VARS2: variants seen among roughly 807,000 people sequenced by gnomAD.
The protein encoded by VARS2 is valyl-tRNA synthetase 2, mitochondrial, also known as valine--tRNA ligase, mitochondrial.
In VARS2, 105 loss-of-function variants were observed where a neutral mutation model predicts 154.1. The observed-to-expected ratio is 0.68, with a 90% CI of 0.58 to 0.80. The LOEUF is 0.80. Ranked by LOEUF, VARS2 falls within the 30% of genes least tolerant of loss-of-function variation. The pLI is 0.00. For synonymous variants in VARS2, 483 were observed against 539.5 expected, an observed-to-expected ratio of 0.90 and a Z score of 1.45; for missense variants, 1,157 against 1,361.4, an observed-to-expected ratio of 0.85 and a Z score of 2.36.
intron 10 of VARS2, among the ~76,000 whole-genome samples, chr6:30,918,518 T>C (rs1008243066): frequency 1.3e-5 from 2 of 152,230 alleles, no homozygotes; most frequent in African/African-American, 2.4e-5. Flanking sequence ...GAATCCCCAG[T>C]GTCCTCTGGG....
rs1793982743 is a variant in VARS2, at chr6:30,914,244, A to C, written c.-128A>C. 3 of 714,594 alleles carry C rather than the reference A, an allele frequency of 4.2e-6. No individual in the cohort carries two copies. Among genetic ancestry groups the C allele is most frequent in the South Asian group, 6.5e-5 (1 of 15,350 alleles). The allele number at this position is 714,594 out of a possible 1,614,324, so 44.3% of individuals were successfully genotyped here. On this transcript the variant is annotated 5_prime_UTR_variant, in exon 1 of 30. An upstream start codon of the reference 5' UTR is lost. Coordinates refer to ENST00000676266, the MANE Select transcript of VARS2 (RefSeq NM_020442.6). ...ATGCGCCGGCCGGGGCCCCGCCCCC[A>C]TGCGCCGCGCGGCTCCAGGGCCACG...
chr6:30,918,900 C>T lies in VARS2; in HGVS notation c.1059C>T (p.Asp353=), dbSNP rs564457017. The part of the protein sequence containing the change: ...PGDVAVAVHP[D]DSRYTHLHGR... The stretch of plus-strand genomic sequence containing the variant: ...ATGTGGCTGTGGCCGTTCATCCAGA[C>T]GACTCGCGATACACAGTAATACCCA... Residue 353 remains aspartate, a synonymous_variant, in exon 11 of 30, where the codon GAC becomes GAT. Coordinates refer to ENST00000676266, the MANE Select transcript of VARS2 (RefSeq NM_020442.6). The T allele has an allele frequency of 1.5e-5, 24 of 1,612,914 alleles. No individual in the cohort carries two copies. Among genetic ancestry groups the T allele is most frequent in the African/African-American group, 8.0e-5 (6 of 75,032 alleles).
chr6:30,914,342 C>T lies in VARS2; in HGVS notation c.-30C>T. ...CGCCCTGGGATAGCGGCGGGGCCTC[C>T]TGGTGAGCGCGCGCCGGGGCGGCCT... is the stretch of plus-strand genomic sequence containing the variant. On this transcript the variant is annotated splice_region_variant and 5_prime_UTR_variant, in exon 1 of 30. Coordinates refer to ENST00000676266, the MANE Select transcript of VARS2 (RefSeq NM_020442.6). 2 of 1,237,434 alleles carry T rather than the reference C, an allele frequency of 1.6e-6. No homozygotes were observed. Among genetic ancestry groups the T allele is most frequent in the Admixed American group, 4.2e-5 (1 of 23,942 alleles). 76.7% of individuals were successfully genotyped at this position (1,237,434 alleles called of 1,614,324 possible).
Position 30,922,769 on chromosome 6 carries a change from G to A in VARS2, c.2101G>A (p.Ala701Thr), listed in dbSNP as rs1191147481. The A allele has an allele frequency of 6.2e-7, 1 of 1,610,236 alleles. No homozygotes were observed. Among genetic ancestry groups the A allele is most frequent in the African/African-American group, 1.3e-5 (1 of 75,014 alleles). The change falls in exon 22 of 30, where the codon GCA (alanine) becomes ACA (threonine). Residue 701 changes from alanine (A) to threonine (T), a missense_variant. Transcript: ENST00000676266. ...DPAELAIVAA[A>T]QKKDFPHGIP... The stretch of plus-strand genomic sequence containing the variant: ...TGCAGAGCTGGCCATTGTGGCTGCA[G>A]CACAGGTGAGTCATCGCTGCCTGCC...
rs1298331167 is a variant in VARS2, at chr6:30,922,757, A to C, written c.2089A>C (p.Ile697Leu). 3 of 1,611,912 alleles carry C rather than the reference A, an allele frequency of 1.9e-6. No individual in the cohort carries two copies. Among genetic ancestry groups the C allele is most frequent in the African/African-American group, 1.3e-5 (1 of 74,908 alleles). ...SGNLDPAELA[I>L]VAAAQKKDFP... ...AAATTTGGACCCTGCAGAGCTGGCC[A>C]TTGTGGCTGCAGCACAGGTGAGTCA... The change falls in exon 22 of 30, where the codon ATT (isoleucine) becomes CTT (leucine). Residue 697 changes from isoleucine (I) to leucine (L), a missense_variant. Physicochemically the swap from Ile to Leu is conservative, Grantham distance 5 (BLOSUM62 2). Coordinates refer to ENST00000676266, the MANE Select transcript of VARS2 (RefSeq NM_020442.6).
intron 22 of VARS2, 32 bp downstream of exon 22, chr6:30,922,806 C>A: frequency 2.5e-6 from 4 of 1,593,762 alleles, no homozygotes; most frequent in Non-Finnish European, 3.4e-6. Flanking sequence ...CCCACCAGCT[C>A]TAGCTCACCA....
Position 30,921,770 on chromosome 6 carries a change from A to G in VARS2, c.1735+79A>G, listed in dbSNP as rs1338415446. ...GGGCCTTTGAGGGGAACAGATCCCAAGATACAGAAGGTAGGGTCAGGAAAG... is the reference window on the plus strand; with the variant it reads ...GGGCCTTTGAGGGGAACAGATCCCAGGATACAGAAGGTAGGGTCAGGAAAG... On this transcript the variant is annotated intron_variant, in intron 18 of 29. Coordinates refer to ENST00000676266, the MANE Select transcript of VARS2 (RefSeq NM_020442.6). This position sits in a 1 kb window ranked among gnomAD's most constrained non-coding sequence, Gnocchi z 4.6. The G allele has an allele frequency of 9.2e-6, 14 of 1,528,424 alleles. No homozygotes were observed. The East Asian group carries it at 3.2e-4, about 35-fold the overall frequency. 94.7% of individuals were successfully genotyped at this position (1,528,424 alleles called of 1,614,324 possible). A position where few individuals can be genotyped will look rare whatever the true frequency, so the allele number is the denominator to read the frequency against.
Position 30,925,525 on chromosome 6 carries a change from A to C in VARS2, c.2786-19A>C, listed in dbSNP as rs751768275. 1.1e-5 allele frequency: 17 copies of C among 1,564,752 alleles called. No homozygotes were observed. Among genetic ancestry groups the C allele is most frequent in the Non-Finnish European group, 1.5e-5 (17 of 1,159,352 alleles). On this transcript the variant is annotated intron_variant, in intron 27 of 29. Transcript: ENST00000676266. ...GGCAGGAGCTGAGGCCTTGCCCCTG[A>C]CAGTTTCTTTCTTTCCAGTGCTGCT...
Position 30,915,225 on chromosome 6 carries a change from G to T in VARS2, c.271G>T (p.Gly91Cys). Residue 91 changes from glycine to cysteine, a missense_variant, in exon 3 of 30, where the codon GGT becomes TGT. Transcript: ENST00000676266. ...ATTGTATGAAATCCCTACGAAACCC[G>T]GTGAAAAGAAAGGTAAGTAGAATAA... ...LVLYEIPTKPGEKKDVSGPLP... is the reference protein window; with the variant it reads ...LVLYEIPTKPCEKKDVSGPLP... 6.2e-7 allele frequency: 1 copy of T among 1,614,118 alleles called. No homozygotes were observed. The highest frequency in any genetic ancestry group is 8.5e-7 in the Non-Finnish European group (1 of 1,179,988).
chr6:30,925,708 A>G lies in VARS2; in HGVS notation c.2950A>G (p.Met984Val), dbSNP rs753628300. ...APLSDTAQVY[M>V]ELQGLVDPQI... ...ACTCAGTGACACGGCTCAAGTCTAC[A>G]TGGAGCTGCAGGTGACCAGAGGGGA... The change falls in exon 28 of 30, where the codon ATG becomes GTG. Residue 984 changes from methionine (M) to valine (V), a missense_variant. Coordinates refer to ENST00000676266, the MANE Select transcript of VARS2 (RefSeq NM_020442.6). 2.5e-6 allele frequency: 4 copies of G among 1,611,112 alleles called. No individual in the cohort carries two copies. The highest frequency in any genetic ancestry group is 1.1e-5 in the South Asian group (1 of 90,858).
chr6:30,915,910 TAGGA>T, intron 5 of VARS2, 43 bp downstream of exon 5: 1 of 1,613,616 alleles, frequency 6.2e-7, no homozygotes, highest in Non-Finnish European at 8.5e-7. Flanking sequence ...GGAAGGGAAA[TAGGA>T]AGGGCAGGAA....
Position 30,916,105 on chromosome 6 carries a change from CAACCA to C in VARS2, c.574-45_574-41del, listed in dbSNP as rs755532473. The C allele has an allele frequency of 1.1e-3, 100 of 89,848 alleles. No individual in the cohort carries two copies. The highest frequency in any genetic ancestry group is 4.5e-4 in the Admixed American group (1 of 2,200). The allele number at this position is 89,848 out of a possible 1,614,324, so 5.6% of individuals were successfully genotyped here. ...GCAAAAGCAATTTCTTCCCCCAAAG[CAACCA>C]AGCAACCTGACTCTGTTCATTTGCC... On this transcript the variant is annotated intron_variant, in intron 6 of 29. Coordinates refer to ENST00000676266, the MANE Select transcript of VARS2 (RefSeq NM_020442.6). This position sits in a 1 kb window ranked among gnomAD's most constrained non-coding sequence, Gnocchi z 4.0.
In VARS2 at chr6:30,919,042, C is replaced by A; in HGVS notation, c.1074+127C>A. On this transcript the variant is annotated intron_variant, in intron 11 of 29. Coordinates refer to ENST00000676266, the MANE Select transcript of VARS2 (RefSeq NM_020442.6). This position sits in a 1 kb window ranked among gnomAD's most constrained non-coding sequence, Gnocchi z 4.5. ...TTTCCTGAGACTTCTCTCAGTGGTTCTGATTGGACTCCCTCCTCCTCTTAT... is the reference window on the plus strand; with the variant it reads ...TTTCCTGAGACTTCTCTCAGTGGTTATGATTGGACTCCCTCCTCCTCTTAT... The A allele has an allele frequency of 1.2e-6, 1 of 811,942 alleles. No homozygotes were observed. Among genetic ancestry groups the A allele is most frequent in the Admixed American group, 2.3e-5 (1 of 44,398 alleles). The allele number at this position is 811,942 out of a possible 1,614,324, so 50.3% of individuals were successfully genotyped here.
Position 30,922,543 on chromosome 6 carries a change from G to T in VARS2, c.2026G>T (p.Val676Leu), listed in dbSNP as rs1333232665. Residue 676 changes from valine (V) to leucine (L), a missense_variant, in exon 21 of 30, where the codon GTG becomes TTG. Physicochemically the swap from Val to Leu is conservative, Grantham distance 32. Coordinates refer to ENST00000676266, the MANE Select transcript of VARS2 (RefSeq NM_020442.6). Reference protein sequence around the residue: ...VLDPRDIISGVEMQVLQEKLR... With the variant: ...VLDPRDIISGLEMQVLQEKLR... Reference sequence around the variant, plus strand: ...GGACCCAAGAGACATCATCAGTGGGGTGGAGATGCAGGTGAGGACGAAGCA... The same window carrying T: ...GGACCCAAGAGACATCATCAGTGGGTTGGAGATGCAGGTGAGGACGAAGCA... 6.4e-7 allele frequency: 1 copy of T among 1,564,150 alleles called. No homozygotes were observed. Among genetic ancestry groups the T allele is most frequent in the African/African-American group, 1.4e-5 (1 of 73,438 alleles).
In VARS2 at chr6:30,917,751, C is replaced by T; in HGVS notation, c.930C>T (p.Thr310=). ...AGCTTCGACTGCCTGGCTGCCCCAC[C>T]CCCGTGTCTTTTGGCCTCCTATTTT... ...HTQLRLPGCP[T]PVSFGLLFSV... Residue 310 remains threonine (T), a synonymous_variant, in exon 10 of 30, where the codon ACC becomes ACT. Transcript: ENST00000676266. The surrounding 1 kb of genome is among the most constrained non-coding windows in gnomAD (Gnocchi z 4.4). 6.4e-7 allele frequency: 1 copy of T among 1,567,582 alleles called. No homozygotes were observed.
At position 30,914,859 on chromosome 6, in the gene VARS2, C is replaced by A. The variant is rs145694863; in HGVS notation, c.23C>A (p.Ser8Tyr). MPHLPLASFRPPFWGLRH... is the reference protein window; with the variant it reads MPHLPLAYFRPPFWGLRH... ...CTGATGCCTCATTTGCCTCTCGCCT[C>A]TTTTCGACCACCATTTTGGGGGCTG... Residue 8 changes from serine (S) to tyrosine (Y), a missense_variant, in exon 2 of 30, where the codon TCT becomes TAT. Coordinates refer to ENST00000676266, the MANE Select transcript of VARS2 (RefSeq NM_020442.6). The A allele has an allele frequency of 2.7e-4, 435 of 1,612,952 alleles. No homozygotes were observed. Among genetic ancestry groups the A allele is most frequent in the Non-Finnish European group, 3.3e-4 (394 of 1,180,044 alleles).
intron 25 of VARS2, 197 bp from the exon 26 acceptor site, chr6:30,924,157 A>C: frequency 3.3e-6 from 2 of 607,212 alleles, no homozygotes. Flanking sequence ...TGTGTACTGC[A>C]GAGAATTGCT....
Position 30,915,179 on chromosome 6 carries a change from C to T in VARS2, c.225C>T (p.Ala75=), listed in dbSNP as rs1330465747. ...ESKSPAESIK[A]WRPKELVLYE... is the part of the protein sequence containing the mutation. ...AGTCACCTGCAGAATCCATTAAGGC[C>T]TGGAGGCCTAAGGAGTTAGTATTGT... Residue 75 remains alanine, a synonymous_variant, in exon 3 of 30, where the codon GCC becomes GCT. Coordinates refer to ENST00000676266, the MANE Select transcript of VARS2 (RefSeq NM_020442.6). 3.1e-6 allele frequency: 5 copies of T among 1,614,192 alleles called. No homozygotes were observed. The highest frequency in any genetic ancestry group is 4.2e-6 in the Non-Finnish European group (5 of 1,180,034).
Position 30,921,728 on chromosome 6 carries a change from C to A in VARS2, c.1735+37C>A. 6.4e-7 allele frequency: 1 copy of A among 1,564,786 alleles called. No homozygotes were observed. Among genetic ancestry groups the A allele is most frequent in the Non-Finnish European group, 8.7e-7 (1 of 1,155,846 alleles). On this transcript the variant is annotated intron_variant, in intron 18 of 29. Transcript: ENST00000676266. This position sits in a 1 kb window ranked among gnomAD's most constrained non-coding sequence, Gnocchi z 4.6. ...AGCTGGGGAGGGATGTACAGGGGAG[C>A]GGGGGCCTGGGCATCTGGGCCTTTG... is the stretch of plus-strand genomic sequence containing the variant.
Sources: allele counts gnomAD v4.1 joint callset (sites outside exome capture counted in the v4.1 genomes callset), GRCh38; gene constraint gnomAD v4.1.1; non-coding constraint Gnocchi (gnomAD v3.1); transcripts MANE v1.5; gene names NCBI Gene and HGNC (gene_info 2026-07-23, HGNC 2026-07-21).